Variants in HERC3 observed in about 807,000 individuals in gnomAD.
The protein encoded by HERC3 is probable E3 ubiquitin-protein ligase HERC3.
HERC3 carries 58 observed loss-of-function variants against 129.9 expected under a neutral mutation model. That is an observed-to-expected ratio of 0.45 (90% CI 0.36 to 0.56). HERC3 has a LOEUF of 0.56. Ranked by LOEUF, HERC3 falls within the 20% of genes least tolerant of loss-of-function variation. The pLI is 0.00. For missense variants in HERC3, 835 were observed against 1,244.2 expected (o/e 0.67, Z 4.95); for synonymous variants, 430 against 451.0 (o/e 0.95, Z 0.59).
intron 3 of HERC3, among the ~76,000 whole-genome samples, chr4:88,609,818 GAAAGT>G (rs2068688516): frequency 6.6e-6 from 1 of 152,192 alleles, no homozygotes; most frequent in Non-Finnish European, 1.5e-5. Context: ...AATTTATTAA[GAAAGT>G]AAAGGAATGA....
chr4:88,614,918 G>A (rs137867778), intron 3 of HERC3, among the ~76,000 whole-genome samples: 173 of 152,282 alleles, frequency 1.1e-3, no homozygotes, highest in Non-Finnish European at 2.0e-3. Context: ...GTGTCAAACA[G>A]GTGATACAGG....
Position 88,654,118 on chromosome 4 carries a change from A to G in HERC3, c.762A>G (p.Thr254=), listed in dbSNP as rs1729585055. ...VVYISCGEEH[T]AVLTKSGGVF... is the part of the protein sequence containing the mutation. ...ATATTAGTTGTGGAGAAGAACACACAGCAGTTCTCACAAAGGTAAGGAGCT... is the reference window on the plus strand; with the variant it reads ...ATATTAGTTGTGGAGAAGAACACACGGCAGTTCTCACAAAGGTAAGGAGCT... Residue 254 remains threonine (T), a synonymous_variant, in exon 7 of 26, where the codon ACA becomes ACG. Transcript: ENST00000402738. 8.1e-6 allele frequency: 13 copies of G among 1,612,544 alleles called. No individual in the cohort carries two copies. Among genetic ancestry groups the G allele is most frequent in the Non-Finnish European group, 9.3e-6 (11 of 1,178,860 alleles).
chr4:88,604,219 A>G (rs145830958), intron 2 of HERC3, among the ~76,000 whole-genome samples: 2,113 of 152,284 alleles, frequency 0.014, 51 homozygotes, highest in African/African-American at 0.047. Flanking sequence ...GGGTCTCCCC[A>G]TGTTGGTCAG....
At chr4:88,637,452 C>T (rs1476238061) in intron 3 of HERC3, among the ~76,000 whole-genome samples, 1 of 151,716 alleles carries the variant, frequency 6.6e-6, no homozygotes, top group African/African-American at 2.4e-5. Context: ...CAAAAAGCCA[C>T]ACAACTACCT....
intron 20 of HERC3, 42 bp downstream of exon 20, chr4:88,680,278 A>G (rs779855190): frequency 6.7e-7 from 1 of 1,502,270 alleles, no homozygotes; most frequent in South Asian, 1.3e-5. Context: ...GATTAAATTA[A>G]ACTTTCTTTT....
At position 88,708,078 on chromosome 4, in the gene HERC3, C is replaced by A. The variant is rs1224343999; in HGVS notation, c.*1118C>A. On this transcript the variant is annotated 3_prime_UTR_variant, in exon 26 of 26. Transcript: ENST00000402738. ...TTTACTCAGATTTTTTTTCCTCTTCCCTAATTGCTAAGATTTAAGGACGTT... is the reference window on the plus strand; with the variant it reads ...TTTACTCAGATTTTTTTTCCTCTTCACTAATTGCTAAGATTTAAGGACGTT... 1 of 152,068 alleles carries A rather than the reference C, an allele frequency of 6.6e-6. No individual in the cohort carries two copies. Among genetic ancestry groups the A allele is most frequent in the East Asian group, 1.9e-4 (1 of 5,174 alleles). The allele number at this position is 152,068 out of a possible 1,614,324, so 9.4% of individuals were successfully genotyped here. A position where few individuals can be genotyped will look rare whatever the true frequency, so the allele number is the denominator to read the frequency against.
chr4:88,702,370 G>T (rs1002898415), intron 23 of HERC3, among the ~76,000 whole-genome samples: 1 of 152,212 alleles, frequency 6.6e-6, no homozygotes, highest in Non-Finnish European at 1.5e-5. Flanking sequence ...GCATGGAGAA[G>T]TTAAATAACT....
At chr4:88,568,175 T>C in the HERC3 span, among the ~76,000 whole-genome samples, 2 of 152,206 alleles carry the variant, frequency 1.3e-5, no homozygotes, top group South Asian at 4.1e-4. Flanking sequence ...GAAGCTGAAG[T>C]GACATAAAAC....
the HERC3 span, among the ~76,000 whole-genome samples, chr4:88,553,438 T>C: frequency 5.8e-3 from 887 of 152,242 alleles, 7 homozygotes; most frequent in African/African-American, 0.02. Flanking sequence ...TAACTAAAAA[T>C]ACTCAGCATA....
intron 2 of HERC3, among the ~76,000 whole-genome samples, chr4:88,601,997 A>G (rs1723032451): frequency 4.6e-5 from 4 of 87,510 alleles, no homozygotes; most frequent in African/African-American, 1.9e-4. Context: ...CGGAGCTTGC[A>G]GTGAGCCGAG....
the HERC3 span, among the ~76,000 whole-genome samples, chr4:88,582,124 A>G: frequency 5.3e-5 from 8 of 152,346 alleles, no homozygotes; most frequent in East Asian, 1.5e-3. Context: ...TGGGATCAGA[A>G]TCTATCCCCT....
chr4:88,678,799 A>C (rs1349288682), intron 19 of HERC3, among the ~76,000 whole-genome samples: 2 of 152,192 alleles, frequency 1.3e-5, no homozygotes, highest in Non-Finnish European at 2.9e-5. Context: ...AAATGAACTG[A>C]TCATCTCCAT....
chr4:88,699,725 A>G (rs1489502276), intron 23 of HERC3, among the ~76,000 whole-genome samples: 1 of 152,112 alleles, frequency 6.6e-6, no homozygotes, highest in Non-Finnish European at 1.5e-5. Context: ...AATTCATTTG[A>G]CTAACTTAAC....
chr4:88,668,321 T>G (rs1449268997), intron 14 of HERC3, among the ~76,000 whole-genome samples: 5 of 152,220 alleles, frequency 3.3e-5, no homozygotes, highest in Admixed American at 6.5e-5. Context: ...TTTTATAGTA[T>G]TCACAAACCT....
intron 3 of HERC3, among the ~76,000 whole-genome samples, chr4:88,635,895 A>C (rs757941362): frequency 4.4e-4 from 67 of 152,182 alleles, no homozygotes; most frequent in Non-Finnish European, 7.6e-4. Flanking sequence ...TGTCTGGCCA[A>C]ATTAAGCTTC....
the HERC3 span, among the ~76,000 whole-genome samples, chr4:88,585,371 C>T: frequency 6.6e-6 from 1 of 152,124 alleles, no homozygotes; most frequent in Non-Finnish European, 1.5e-5. Context: ...GCATGGGGCA[C>T]ATTGATGAAG....
At chr4:88,541,075 C>G in the HERC3 span, among the ~76,000 whole-genome samples, 1 of 152,128 alleles carries the variant, frequency 6.6e-6, no homozygotes, top group Non-Finnish European at 1.5e-5. Context: ...ATGACAGGAT[C>G]AAATTCACAC....
In HERC3 at chr4:88,691,421, G is replaced by A. The variant is rs565513677; in HGVS notation, c.2657+4122G>A. Among the ~76,000 whole-genome samples the A allele has an allele frequency of 3.9e-5, 6 of 152,206 alleles. No individual in the cohort carries two copies. In the South Asian group the frequency reaches 1.2e-3, roughly 31 times the overall value. ...TAAACAACACAAATGTATTTGTCAT[G>A]TTCTGGAGGCCGGAAGTCCAAGATT... On this transcript the variant is annotated intron_variant, in intron 23 of 25. Coordinates refer to ENST00000402738, the MANE Select transcript of HERC3 (RefSeq NM_014606.3).
chr4:88,678,204 A>C, intron 19 of HERC3, 70 bp downstream of exon 19: 1 of 1,372,444 alleles, frequency 7.3e-7, no homozygotes, highest in Admixed American at 1.8e-5. Flanking sequence ...ATTAAGCAGC[A>C]GTGATCTTAT....
Sources: gnomAD v4.1 joint callset for allele counts (sites outside exome capture counted in the v4.1 genomes callset) on GRCh38, gnomAD v4.1.1 for gene constraint, MANE v1.5 for transcripts, NCBI Gene and HGNC (gene_info 2026-07-23, HGNC 2026-07-21) for gene names.